The following EFHC2 variants were observed in gnomAD, a reference collection of about 807,000 sequenced individuals.
EFHC2 encodes EF-hand domain containing 2.
Under a neutral mutation model 52.7 loss-of-function variants are expected in EFHC2, and 18 were observed. That is an observed-to-expected ratio of 0.34 (90% CI 0.24 to 0.51). EFHC2 has a LOEUF of 0.51. EFHC2 is among the 20% of genes least tolerant of loss of function. The pLI, the probability that EFHC2 is intolerant of heterozygous loss-of-function variation, is 0.97. For missense variants in EFHC2, 513 were observed against 562.5 expected, an observed-to-expected ratio of 0.91 and a Z score of 0.89; for synonymous variants, 203 against 204.1, an observed-to-expected ratio of 0.99 and a Z score of 0.04.
At chrX:44,276,859 T>C (rs945113616) in intron 2 of EFHC2, among the ~76,000 whole-genome samples, 3 of 112,348 alleles carry the variant, frequency 2.7e-5, no homozygotes, top group African/African-American at 9.7e-5. Context: ...GGCAAAAGCC[T>C]AATTTCTTAG....
At chrX:44,273,445 T>C (rs2037632424) in intron 2 of EFHC2, among the ~76,000 whole-genome samples, 1 of 112,252 alleles carries the variant, frequency 8.9e-6, no homozygotes, top group Non-Finnish European at 1.9e-5. Context: ...AGGTGGATTC[T>C]AAAGCAGTTA....
At chrX:44,162,318 G>A (rs939288275) in intron 14 of EFHC2, among the ~76,000 whole-genome samples, 6 of 111,402 alleles carry the variant, frequency 5.4e-5, no homozygotes, top group Non-Finnish European at 1.1e-4. Flanking sequence ...AGCTATTCGG[G>A]AGGCTGAGGC....
At chrX:44,193,854 A>T (rs2036941703) in intron 11 of EFHC2, among the ~76,000 whole-genome samples, 1 of 112,036 alleles carries the variant, frequency 8.9e-6, no homozygotes, top group Non-Finnish European at 1.9e-5. Flanking sequence ...TGATTTAGAG[A>T]CCAAGAAGCC....
At chrX:44,238,687 C>A (rs1259288165) in intron 8 of EFHC2, among the ~76,000 whole-genome samples, 1 of 111,406 alleles carries the variant, frequency 9.0e-6, no homozygotes, top group East Asian at 2.8e-4. Flanking sequence ...TTCCTTTTGC[C>A]TGGAGCACAT....
intron 4 of EFHC2, among the ~76,000 whole-genome samples, chrX:44,259,844 C>T (rs2037523800): frequency 1.8e-5 from 2 of 111,488 alleles, no homozygotes; most frequent in Admixed American, 1.9e-4. Flanking sequence ...AGGCATTTCA[C>T]CTTAGATATT....
intron 13 of EFHC2, among the ~76,000 whole-genome samples, chrX:44,174,223 G>A (rs191640977): frequency 1.3e-3 from 147 of 111,586 alleles, no homozygotes; most frequent in Admixed American, 3.5e-3. Flanking sequence ...TACGTCATTC[G>A]AGAGATAAGG....
intron 2 of EFHC2, among the ~76,000 whole-genome samples, chrX:44,282,620 CGGGGGGGGGG>C (rs1257249546): frequency 1.0e-3 from 1 of 970 alleles, no homozygotes; most frequent in Non-Finnish European, 2.1e-3. Flanking sequence ...CCTCTCGGGG[CGGGGGGGGGG>C]GGGGGGTGGG....
At chrX:44,329,321 G>A (rs1202028438) in intron 1 of EFHC2, among the ~76,000 whole-genome samples, 1 of 111,789 alleles carries the variant, frequency 8.9e-6, no homozygotes, top group African/African-American at 3.3e-5. Context: ...GTGGGAGGAA[G>A]AACTGAACCT....
At chrX:44,292,406 T>A (rs756062416) in intron 2 of EFHC2, among the ~76,000 whole-genome samples, 118 of 111,515 alleles carry the variant, frequency 1.1e-3, no homozygotes, top group African/African-American at 3.7e-3. Flanking sequence ...CTTATACACA[T>A]AGCCTAAAGA....
chrX:44,206,360 GGC>G (rs2037048647), intron 11 of EFHC2, among the ~76,000 whole-genome samples: 1 of 111,155 alleles, frequency 9.0e-6, no homozygotes, highest in Non-Finnish European at 1.9e-5. Flanking sequence ...TCCTAGCCAG[GGC>G]AATCAAGCAA....
chrX:44,209,275 A>G (rs2037076260), intron 11 of EFHC2, among the ~76,000 whole-genome samples: 1 of 111,347 alleles, frequency 9.0e-6, no homozygotes, highest in Non-Finnish European at 1.9e-5. Flanking sequence ...ATAATTAAAA[A>G]TTTAAAGCTT....
chrX:44,264,859 C>T (rs2037565244), intron 3 of EFHC2, among the ~76,000 whole-genome samples: 1 of 112,006 alleles, frequency 8.9e-6, no homozygotes, highest in South Asian at 3.7e-4. Flanking sequence ...ATACCATGTC[C>T]TTGACCCACA....
intron 1 of EFHC2, among the ~76,000 whole-genome samples, chrX:44,329,250 T>C (rs1050303401): frequency 8.0e-5 from 9 of 111,835 alleles, no homozygotes; most frequent in Middle Eastern, 4.6e-3. Flanking sequence ...TAAAGAGTAA[T>C]TTTCTTTATA....
intron 11 of EFHC2, among the ~76,000 whole-genome samples, chrX:44,228,582 T>C (rs2037250499): frequency 8.9e-6 from 1 of 111,802 alleles, no homozygotes; most frequent in East Asian, 2.8e-4. Flanking sequence ...TCCCAGAAGG[T>C]TGGGAATTCT....
intron 1 of EFHC2, among the ~76,000 whole-genome samples, chrX:44,343,055 G>T (rs1218273378): frequency 9.1e-6 from 1 of 110,244 alleles, no homozygotes; most frequent in African/African-American, 3.3e-5. Context: ...AATTGAAACG[G>T]TATCTTTTTT....
rs769681173 is a variant in EFHC2 at position 44,342,862 on chromosome X, C to T, written c.42+685G>A. Among the ~76,000 whole-genome samples, 328 of 70,605 alleles carry T rather than the reference C, an allele frequency of 4.6e-3. 2 individuals carry two copies. Among genetic ancestry groups the T allele is most frequent in the Non-Finnish European group, 7.0e-3 (277 of 39,653 alleles). The allele number at this position is 70,605 out of a possible 115,157, so 61.3% of individuals were successfully genotyped here. On this transcript the variant is annotated intron_variant, in intron 1 of 14. Coordinates refer to ENST00000420999, the MANE Select transcript of EFHC2 (RefSeq NM_025184.4). ...CTGCACTCCAGCCTGGGCGACAGAGCGAGACTCCGTCTCAAAAAAAAAAAA... is the reference window on the plus strand; with the variant it reads ...CTGCACTCCAGCCTGGGCGACAGAGTGAGACTCCGTCTCAAAAAAAAAAAA...
rs371609406 is a variant in EFHC2 at position 44,312,580 on chromosome X, G to C, written c.219C>G (p.Ala73=). 42 of 1,195,950 alleles carry C rather than the reference G, an allele frequency of 3.5e-5. No homozygotes were observed. In the African/African-American group the frequency reaches 6.5e-4, roughly 19 times the overall value. Residue 73 remains alanine (A), a synonymous_variant, in exon 2 of 15, where the codon GCC becomes GCG. Coordinates refer to ENST00000420999, the MANE Select transcript of EFHC2 (RefSeq NM_025184.4). ...TCATGTGACTTACCTGTTTATCAAA[G>C]GCTACCCATGATGGTACATCACTTC... The part of the protein sequence containing the change: ...GDGSDVPSWV[A]FDKQVLSFDA...
intron 11 of EFHC2, among the ~76,000 whole-genome samples, chrX:44,221,985 C>A (rs1394965889): frequency 8.9e-6 from 1 of 111,792 alleles, no homozygotes; most frequent in Non-Finnish European, 1.9e-5. Context: ...ATAGTTCCAA[C>A]CATTTTAAAA....
intron 2 of EFHC2, among the ~76,000 whole-genome samples, chrX:44,293,535 ATTTCT>A (rs200361516): frequency 0.025 from 2,833 of 111,301 alleles, 88 homozygotes; most frequent in African/African-American, 0.089. Flanking sequence ...AATTTTTGCC[ATTTCT>A]TTGCTTGTTT....
Sources: allele counts gnomAD v4.1 joint callset (sites outside exome capture counted in the v4.1 genomes callset), GRCh38; gene constraint gnomAD v4.1.1; transcripts MANE v1.5; gene names NCBI Gene and HGNC (gene_info 2026-07-23, HGNC 2026-07-21).